LRRTM4: variants seen among roughly 807,000 people sequenced by gnomAD.
LRRTM4 encodes the protein leucine-rich repeat transmembrane neuronal protein 4.
Under a neutral mutation model 47.6 loss-of-function variants are expected in LRRTM4, and 25 were observed. The observed-to-expected ratio is 0.53, with a 90% confidence interval of 0.38 to 0.73. LRRTM4 has a LOEUF of 0.73. Among genes scored for constraint, LRRTM4 ranks in the 30% least tolerant of loss-of-function variants. The pLI is 0.00. For missense variants in LRRTM4, 638 were observed against 713.4 expected, an observed-to-expected ratio of 0.89 and a Z score of 1.20; for synonymous variants, 311 against 269.5, an observed-to-expected ratio of 1.15 and a Z score of -1.51.
intron 3 of LRRTM4, among the ~76,000 whole-genome samples, chr2:76,800,928 G>A (rs1047202615): frequency 1.3e-5 from 2 of 151,182 alleles, no homozygotes; most frequent in African/African-American, 4.9e-5. Flanking sequence ...ATCATCACTG[G>A]CCATCAGAGA....
chr2:77,376,532 G>C (rs1672848241), intron 3 of LRRTM4, among the ~76,000 whole-genome samples: 1 of 148,976 alleles, frequency 6.7e-6, no homozygotes, highest in Non-Finnish European at 1.5e-5. Context: ...CTCAGACTTT[G>C]TTTTGATGAC....
chr2:77,052,083 G>GA (rs1389281986), intron 3 of LRRTM4, among the ~76,000 whole-genome samples: 6 of 141,222 alleles, frequency 4.2e-5, no homozygotes, highest in Admixed American at 1.4e-4. Flanking sequence ...ATAAGTGAAG[G>GA]AAAAAACAAA....
intron 3 of LRRTM4, among the ~76,000 whole-genome samples, chr2:76,943,406 C>G (rs550073059): frequency 6.6e-6 from 1 of 151,980 alleles, no homozygotes; most frequent in South Asian, 2.1e-4. Context: ...ACTGCACCCC[C>G]GCCTGGCAAC....
At chr2:76,885,878 C>A (rs1673061465) in intron 3 of LRRTM4, among the ~76,000 whole-genome samples, 1 of 151,878 alleles carries the variant, frequency 6.6e-6, no homozygotes, top group Non-Finnish European at 1.5e-5. Flanking sequence ...TTTAAGTTTT[C>A]CAGATCATAA....
chr2:76,979,489 C>A (rs879345792), intron 3 of LRRTM4, among the ~76,000 whole-genome samples: 1 of 144,874 alleles, frequency 6.9e-6, no homozygotes. Flanking sequence ...AGCAGAGATA[C>A]GTGACAGCAC....
In LRRTM4 at chr2:77,075,745, C is replaced by G. The variant is rs1017235427; in HGVS notation, c.1552-326829G>C. Among the ~76,000 whole-genome samples the G allele has an allele frequency of 1.0e-4, 15 of 150,436 alleles. No homozygotes were observed. The South Asian group carries it at 3.2e-3, about 32-fold the overall frequency. The stretch of plus-strand genomic sequence containing the variant: ...CCTGGCTAACAAGGTGAAACCCCGT[C>G]TCTACTAAAAATACAAAAAATTAGC... On this transcript the variant is annotated intron_variant, in intron 3 of 3. Coordinates refer to ENST00000409884, the MANE Select transcript of LRRTM4 (RefSeq NM_001134745.3).
chr2:77,520,848 T>C (rs903480667), intron 2 of LRRTM4, among the ~76,000 whole-genome samples: 2 of 151,880 alleles, frequency 1.3e-5, no homozygotes, highest in African/African-American at 4.8e-5. Context: ...TTCCAAGTCA[T>C]TGCATGTTAA....
At chr2:77,049,134 A>T (rs1313983634) in intron 3 of LRRTM4, among the ~76,000 whole-genome samples, 1 of 122,064 alleles carries the variant, frequency 8.2e-6, no homozygotes, top group Non-Finnish European at 1.6e-5. Flanking sequence ...ATATATATAT[A>T]TATATATATA....
chr2:77,066,522 T>C (rs1029607047), intron 3 of LRRTM4, among the ~76,000 whole-genome samples: 1 of 152,248 alleles, frequency 6.6e-6, no homozygotes, highest in Non-Finnish European at 1.5e-5. Context: ...CGTATATTAA[T>C]GAATGAGATT....
At chr2:77,296,137 G>T (rs940704432) in intron 3 of LRRTM4, among the ~76,000 whole-genome samples, 17 of 152,002 alleles carry the variant, frequency 1.1e-4, no homozygotes, top group Non-Finnish European at 1.5e-5. Flanking sequence ...CTTTAAACTT[G>T]TTGAAAAATT....
At chr2:77,307,083 G>C (rs902371154) in intron 3 of LRRTM4, among the ~76,000 whole-genome samples, 1 of 151,422 alleles carries the variant, frequency 6.6e-6, no homozygotes, top group Non-Finnish European at 1.5e-5. Context: ...GTATTGTTTA[G>C]TAGAGACGGG....
chr2:77,489,840 T>C (rs1467463346), intron 3 of LRRTM4, among the ~76,000 whole-genome samples: 1 of 152,210 alleles, frequency 6.6e-6, no homozygotes, highest in Non-Finnish European at 1.5e-5. Context: ...GTGGAGAACT[T>C]TGTGTCTAAA....
At chr2:76,896,217 C>G (rs1453146100) in intron 3 of LRRTM4, among the ~76,000 whole-genome samples, 1 of 150,362 alleles carries the variant, frequency 6.7e-6, no homozygotes, top group African/African-American at 2.4e-5. Flanking sequence ...CACACAAACA[C>G]ACACACACAC....
intron 3 of LRRTM4, among the ~76,000 whole-genome samples, chr2:77,201,707 C>A (rs368724698): frequency 6.6e-6 from 1 of 152,144 alleles, no homozygotes; most frequent in Admixed American, 6.6e-5. Context: ...CAAGGGGTAA[C>A]ATTCCATAGC....
rs188420425 is a variant in LRRTM4 at position 76,904,848 on chromosome 2, C to G, written c.1552-155932G>C. ...TGGTAAAAATAACATGAGCTATTCA[C>G]TTGTCAAAAGTGTTTTGAAAAGGCA... On this transcript the variant is annotated intron_variant, in intron 3 of 3. Transcript: ENST00000409884. 2.2e-3 allele frequency among the ~76,000 whole-genome samples: 338 copies of G among 152,302 alleles called. 6 individuals carry two copies. Among genetic ancestry groups the G allele is most frequent in the Non-Finnish European group, 3.1e-4 (21 of 68,032 alleles).
chr2:77,224,227 T>G (rs1356637286), intron 3 of LRRTM4, among the ~76,000 whole-genome samples: 6 of 151,916 alleles, frequency 3.9e-5, no homozygotes, highest in Admixed American at 6.6e-5. Flanking sequence ...GATTAAAGAC[T>G]TACATGTTAG....
chr2:77,022,232 G>T (rs771580754), intron 3 of LRRTM4, among the ~76,000 whole-genome samples: 1 of 152,116 alleles, frequency 6.6e-6, no homozygotes, highest in African/African-American at 2.4e-5. Context: ...CATGGGAACA[G>T]TATGAGGAAA....
chr2:77,145,800 T>TAAATAAATAAATAAATAAA (rs1553398065), intron 3 of LRRTM4, among the ~76,000 whole-genome samples: 1 of 150,768 alleles, frequency 6.6e-6, no homozygotes, highest in African/African-American at 2.4e-5. Context: ...AATAAATAAA[T>TAAATAAATAAATAAATAAA]AAATAAAATA....
chr2:77,151,364 A>C (rs1436245320), intron 3 of LRRTM4, among the ~76,000 whole-genome samples: 1 of 152,148 alleles, frequency 6.6e-6, no homozygotes, highest in Non-Finnish European at 1.5e-5. Context: ...TATTGTATTT[A>C]CTAATTCTAT....
Sources: allele counts gnomAD v4.1 joint callset (sites outside exome capture counted in the v4.1 genomes callset), GRCh38; gene constraint gnomAD v4.1.1; transcripts MANE v1.5; gene names NCBI Gene and HGNC (gene_info 2026-07-23, HGNC 2026-07-21).